The following ZBTB41 variants were observed in gnomAD, a reference collection of about 807,000 sequenced individuals.
ZBTB41 encodes the protein zinc finger and BTB domain containing 41, also known as zinc finger and BTB domain-containing protein 41.
Under a neutral mutation model 87.6 loss-of-function variants are expected in ZBTB41, and 42 were observed. The observed-to-expected ratio is 0.48, with a 90% confidence interval of 0.37 to 0.62. The LOEUF (loss-of-function observed/expected upper bound fraction) is 0.62, where lower values mean the gene tolerates loss of function less well. ZBTB41 is among the 20% of genes least tolerant of loss of function. ZBTB41 has a pLI of 0.00. For missense variants in ZBTB41, 799 were observed against 1,078.9 expected (o/e 0.74, Z 3.63); for synonymous variants, 364 against 364.0 (o/e 1.00, Z 0.00).
chr1:197,186,642 A>C (rs1488980026), intron 5 of ZBTB41, among the ~76,000 whole-genome samples: 1 of 152,280 alleles, frequency 6.6e-6, no homozygotes, highest in Non-Finnish European at 1.5e-5. Context: ...TGGGTGGGTC[A>C]CCTGAGGTCA....
chr1:197,161,730 A>G (rs905250811), intron 10 of ZBTB41, among the ~76,000 whole-genome samples: 5 of 152,294 alleles, frequency 3.3e-5, no homozygotes, highest in Admixed American at 1.3e-4. Context: ...TAATAAGGAA[A>G]AGCTCAGAGG....
chr1:197,172,195 T>C lies in ZBTB41; in HGVS notation c.2039A>G (p.Lys680Arg). ...TCGAAAATGCATTTCCAGACTTGAT[T>C]TGCCTTTAAAAATTTTCTTACAAAC... ...CDVCKKIFKG[K>R]SSLEMHFRTH... The change falls in exon 10 of 11, where the codon AAA becomes AGA. Residue 680 changes from lysine to arginine, a missense_variant. Transcript: ENST00000367405. 6.9e-7 allele frequency: 1 copy of C among 1,439,130 alleles called. No homozygotes were observed. The allele number at this position is 1,439,130 out of a possible 1,614,324, so 89.1% of individuals were successfully genotyped here.
At chr1:197,160,053 T>C (rs1385040970) in intron 10 of ZBTB41, 39 bp from the exon 11 acceptor site, 1 of 1,521,160 alleles carries the variant, frequency 6.6e-7, no homozygotes, top group Non-Finnish European at 9.0e-7. Context: ...ATGTAAAATG[T>C]ACTCAACTTG....
At chr1:197,196,554 A>G (rs1160244140) in intron 2 of ZBTB41, among the ~76,000 whole-genome samples, 1 of 152,102 alleles carries the variant, frequency 6.6e-6, no homozygotes, top group Non-Finnish European at 1.5e-5. Context: ...TCCACACTGA[A>G]GCCACCATGA....
At chr1:197,163,109 A>C (rs1205465376) in intron 10 of ZBTB41, among the ~76,000 whole-genome samples, 1 of 152,184 alleles carries the variant, frequency 6.6e-6, no homozygotes, top group African/African-American at 2.4e-5. Flanking sequence ...AACACCATGC[A>C]GTCAGTAGAG....
intron 5 of ZBTB41, among the ~76,000 whole-genome samples, chr1:197,186,416 G>A (rs192466730): frequency 2.0e-5 from 3 of 152,232 alleles, no homozygotes; most frequent in Admixed American, 1.3e-4. Context: ...TGGATAAATT[G>A]GACTTAATTA....
At position 197,159,095 on chromosome 1, in the gene ZBTB41, C is replaced by T. The variant is rs1203580300; in HGVS notation, c.*264G>A. The T allele has an allele frequency of 2.9e-6, 1 of 341,688 alleles. No individual in the cohort carries two copies. Among genetic ancestry groups the T allele is most frequent in the African/African-American group, 2.1e-5 (1 of 46,678 alleles). The allele number at this position is 341,688 out of a possible 1,614,324, so 21.2% of individuals were successfully genotyped here. The stretch of plus-strand genomic sequence containing the variant: ...CCATAATATCAGCAGCTAATAATTG[C>T]AAAAAATTTAAGAAACCATTAAAAG... On this transcript the variant is annotated 3_prime_UTR_variant, in exon 11 of 11. Coordinates refer to ENST00000367405, the MANE Select transcript of ZBTB41 (RefSeq NM_194314.3).
chr1:197,159,506 A>G lies in ZBTB41; in HGVS notation c.2583T>C (p.Thr861=), dbSNP rs966230965. ...CTATATTTGCAGGTTGAGGAGTAAGAGTATATTTTTCCAGAAAAGCTAAAT... is the reference window on the plus strand; with the variant it reads ...CTATATTTGCAGGTTGAGGAGTAAGGGTATATTTTTCCAGAAAAGCTAAAT... ...AADLAFLEKY[T]LTPQPANIVH... is the part of the protein sequence containing the mutation. The change falls in exon 11 of 11, where the codon ACT becomes ACC. Residue 861 remains threonine, a synonymous_variant. Transcript: ENST00000367405. 1.2e-6 allele frequency: 2 copies of G among 1,613,832 alleles called. No individual in the cohort carries two copies. Among genetic ancestry groups the G allele is most frequent in the African/African-American group, 2.7e-5 (2 of 74,906 alleles).
At chr1:197,174,963 G>T in intron 9 of ZBTB41, 47 bp downstream of exon 9, 1 of 1,475,514 alleles carries the variant, frequency 6.8e-7, no homozygotes, top group Non-Finnish European at 9.3e-7. Context: ...ACTTTCCTCA[G>T]AGACTTAGCC....
intron 4 of ZBTB41, among the ~76,000 whole-genome samples, chr1:197,189,600 C>G (rs1051076572): frequency 2.6e-5 from 4 of 151,898 alleles, no homozygotes; most frequent in Non-Finnish European, 5.9e-5. Flanking sequence ...TCCATAAATA[C>G]GATGGTACTC....
intron 10 of ZBTB41, among the ~76,000 whole-genome samples, chr1:197,168,736 T>C (rs1659407979): frequency 6.6e-6 from 1 of 151,916 alleles, no homozygotes; most frequent in African/African-American, 2.4e-5. Flanking sequence ...AAAAGAACTA[T>C]AAAGAAAAAA....
chr1:197,184,151 G>T (rs1659826385), intron 5 of ZBTB41, among the ~76,000 whole-genome samples: 1 of 152,120 alleles, frequency 6.6e-6, no homozygotes, highest in Non-Finnish European at 1.5e-5. Flanking sequence ...AAACTCTAAA[G>T]AAATTTCTCC....
At chr1:197,180,966 G>A in intron 6 of ZBTB41, 22 bp downstream of exon 6, 1 of 1,577,538 alleles carries the variant, frequency 6.3e-7, no homozygotes, top group Non-Finnish European at 8.5e-7. Flanking sequence ...GGATTTTTGT[G>A]GGTGTGCAGA....
intron 5 of ZBTB41, among the ~76,000 whole-genome samples, chr1:197,186,719 C>CA (rs1659893155): frequency 6.6e-6 from 1 of 152,042 alleles, no homozygotes; most frequent in South Asian, 2.1e-4. Flanking sequence ...AAAAACTTAG[C>CA]TGGACATGGT....
At position 197,159,347 on chromosome 1, in the gene ZBTB41, G is replaced by A; in HGVS notation, c.*12C>T. ...ATAACCATCCAAAAATCTGTGGAATGTTTAGATTTACTCATGAATGATGCT... is the reference window on the plus strand; with the variant it reads ...ATAACCATCCAAAAATCTGTGGAATATTTAGATTTACTCATGAATGATGCT... On this transcript the variant is annotated 3_prime_UTR_variant, in exon 11 of 11. Transcript: ENST00000367405. 6.2e-7 allele frequency: 1 copy of A among 1,611,674 alleles called. No individual in the cohort carries two copies. The highest frequency in any genetic ancestry group is 8.5e-7 in the Non-Finnish European group (1 of 1,178,238).
intron 5 of ZBTB41, among the ~76,000 whole-genome samples, chr1:197,184,451 T>C (rs1659833720): frequency 1.3e-5 from 2 of 152,296 alleles, no homozygotes; most frequent in South Asian, 4.2e-4. Context: ...ACCATGTTTT[T>C]CACATGATAA....
chr1:197,177,921 T>A (rs1335108111), intron 7 of ZBTB41, among the ~76,000 whole-genome samples: 1 of 152,066 alleles, frequency 6.6e-6, no homozygotes, highest in Non-Finnish European at 1.5e-5. Context: ...ATTTCAGAAG[T>A]AGTTACATAT....
At position 197,200,454 on chromosome 1, in the gene ZBTB41, A is replaced by G; in HGVS notation, c.20T>C (p.Val7Ala). Residue 7 changes from valine (V) to alanine (A), a missense_variant, in exon 2 of 11, where the codon GTT becomes GCT. Transcript: ENST00000367405. MKKRRK[V>A]TSNLEKIHLG... ...ATGGATCTTCTCAAGATTTGAAGTA[A>G]CCTTTCTCCTCTTCTTCATTGCAGT... 6.3e-7 allele frequency: 1 copy of G among 1,594,890 alleles called. No homozygotes were observed. Among genetic ancestry groups the G allele is most frequent in the South Asian group, 1.1e-5 (1 of 87,078 alleles).
chr1:197,198,890 A>T (rs997907244), intron 2 of ZBTB41, among the ~76,000 whole-genome samples: 18 of 152,292 alleles, frequency 1.2e-4, no homozygotes, highest in African/African-American at 4.3e-4. Flanking sequence ...AATATAAAAC[A>T]TCCCCTTTCT....
Sources: allele counts gnomAD v4.1 joint callset (sites outside exome capture counted in the v4.1 genomes callset), GRCh38; gene constraint gnomAD v4.1.1; transcripts MANE v1.5; gene names NCBI Gene and HGNC (gene_info 2026-07-23, HGNC 2026-07-21).